Variants in EPHB2 observed in about 807,000 individuals in gnomAD.
EPHB2 encodes ephrin type-B receptor 2.
In EPHB2, 18 loss-of-function variants were observed where a neutral mutation model predicts 96.4. The ratio of observed to expected loss-of-function variants is 0.19; its 90% CI spans 0.13 to 0.28. The LOEUF is 0.28. Ranked by LOEUF, EPHB2 falls within the 10% of genes least tolerant of loss-of-function variation. EPHB2 has a pLI of 1.00. For synonymous variants in EPHB2, 506 were observed against 534.1 expected (o/e 0.95, Z 0.72); for missense variants, 989 against 1,355.4 (o/e 0.73, Z 4.25).
intron 9 of EPHB2, among the ~76,000 whole-genome samples, chr1:22,898,139 A>C (rs960764075): frequency 6.6e-6 from 1 of 151,844 alleles, no homozygotes; most frequent in Non-Finnish European, 1.5e-5. Context: ...AAAAAACAAA[A>C]GAAAAAAGAA....
At chr1:22,829,012 T>C (rs536668289) in intron 3 of EPHB2, among the ~76,000 whole-genome samples, 1 of 152,352 alleles carries the variant, frequency 6.6e-6, no homozygotes, top group South Asian at 2.1e-4. Context: ...AGTAATAGAA[T>C]GTCATAGTCA....
intron 5 of EPHB2, among the ~76,000 whole-genome samples, chr1:22,874,037 C>CA (rs1389860913): frequency 2.0e-5 from 3 of 152,198 alleles, no homozygotes; most frequent in Non-Finnish European, 2.9e-5. Flanking sequence ...TGCCTGCAGT[C>CA]ACACATTGGC....
chr1:22,721,780 AT>A (rs555671339), intron 1 of EPHB2, among the ~76,000 whole-genome samples: 1,954 of 140,880 alleles, frequency 0.014, 34 homozygotes, highest in African/African-American at 0.038. Flanking sequence ...CGCATCCAGC[AT>A]TTTTTTTTTT....
At chr1:22,896,198 G>C (rs1326771801) in intron 8 of EPHB2, among the ~76,000 whole-genome samples, 2 of 152,164 alleles carry the variant, frequency 1.3e-5, no homozygotes, top group Non-Finnish European at 2.9e-5. Context: ...TTTGAAGGGG[G>C]CTTGGCTGGA....
At chr1:22,835,394 A>G (rs1645365846) in intron 3 of EPHB2, among the ~76,000 whole-genome samples, 1 of 152,184 alleles carries the variant, frequency 6.6e-6, no homozygotes. Flanking sequence ...AAAAAAGAGT[A>G]CCCATTTTGA....
chr1:22,781,416 C>A lies in EPHB2; in HGVS notation c.62-5C>A. 1.2e-6 allele frequency: 2 copies of A among 1,613,938 alleles called. No homozygotes were observed. Among genetic ancestry groups the A allele is most frequent in the Middle Eastern group, 1.6e-4 (1 of 6,062 alleles). On this transcript the variant is annotated splice_region_variant and splice_polypyrimidine_tract_variant and intron_variant, in intron 1 of 15. Transcript: ENST00000374630. ...CGGGGTGGTGACTCTTTGCTCTCCC[C>A]ACAGAAACGCTAATGGACTCCACTA...
intron 3 of EPHB2, among the ~76,000 whole-genome samples, chr1:22,805,996 T>C (rs1295138051): frequency 6.6e-6 from 1 of 152,182 alleles, no homozygotes. Context: ...CACTCCATCC[T>C]GTCCAGCCCT....
At chr1:22,777,232 C>T (rs1224399373) in intron 1 of EPHB2, among the ~76,000 whole-genome samples, 1 of 152,166 alleles carries the variant, frequency 6.6e-6, no homozygotes, top group Non-Finnish European at 1.5e-5. Context: ...CCAGTCTCTC[C>T]ACCTACTCAT....
Position 22,882,478 on chromosome 1 carries a change from G to A in EPHB2, c.1423G>A (p.Glu475Lys). ...VILDYELQYY[E>K]KELSEYNATA... is the part of the protein sequence containing the mutation. ...CCTGGACTATGAGCTGCAGTACTAT[G>A]AGAAGGTACCTATTGGCTGGGTGCT... Residue 475 changes from glutamate to lysine, a missense_variant, in exon 6 of 16, where the codon GAG becomes AAG. Glu to Lys is a moderately conservative substitution (Grantham distance 56). Transcript: ENST00000374630. 6.2e-7 allele frequency: 1 copy of A among 1,614,012 alleles called. No homozygotes were observed.
intron 3 of EPHB2, among the ~76,000 whole-genome samples, chr1:22,857,899 C>T (rs1373985818): frequency 6.6e-6 from 1 of 152,162 alleles, no homozygotes; most frequent in African/African-American, 2.4e-5. Flanking sequence ...AGACCCGGCT[C>T]CTCCTCCCCT....
intron 1 of EPHB2, among the ~76,000 whole-genome samples, chr1:22,725,841 A>T (rs772727762): frequency 1.3e-5 from 2 of 152,216 alleles, no homozygotes; most frequent in African/African-American, 2.4e-5. Flanking sequence ...GAGCAGACTG[A>T]TGCTGGCCAG....
At chr1:22,827,305 A>G (rs1180668624) in intron 3 of EPHB2, among the ~76,000 whole-genome samples, 1 of 152,142 alleles carries the variant, frequency 6.6e-6, no homozygotes, top group African/African-American at 2.4e-5. Context: ...TGCATTGAAT[A>G]TATTCATGGC....
chr1:22,904,642 T>C (rs1639851725), intron 9 of EPHB2, among the ~76,000 whole-genome samples: 1 of 152,212 alleles, frequency 6.6e-6, no homozygotes, highest in Admixed American at 6.5e-5. Context: ...ATAGTAAATA[T>C]TTTAGGCCTT....
intron 1 of EPHB2, among the ~76,000 whole-genome samples, chr1:22,732,230 C>G (rs575241057): frequency 6.6e-6 from 1 of 152,190 alleles, no homozygotes; most frequent in African/African-American, 2.4e-5. Flanking sequence ...GGGTGGGGCT[C>G]TATGAATTCT....
At chr1:22,904,685 G>T (rs552630082) in intron 9 of EPHB2, among the ~76,000 whole-genome samples, 1 of 152,238 alleles carries the variant, frequency 6.6e-6, no homozygotes, top group Non-Finnish European at 1.5e-5. Context: ...CAACTCTGCT[G>T]TCATAGCTTA....
intron 1 of EPHB2, among the ~76,000 whole-genome samples, chr1:22,772,448 T>C (rs16827504): frequency 0.17 from 25,557 of 152,220 alleles, 2,350 homozygotes; most frequent in African/African-American, 0.24. Context: ...TTACATTAGC[T>C]GGGTTCTCTT....
In EPHB2 at chr1:22,913,968, A is replaced by T; in HGVS notation, c.*398A>T. 7.0e-7 allele frequency: 1 copy of T among 1,428,530 alleles called. No homozygotes were observed. Among genetic ancestry groups the T allele is most frequent in the Non-Finnish European group, 9.3e-7 (1 of 1,078,374 alleles). The allele number at this position is 1,428,530 out of a possible 1,614,324, so 88.5% of individuals were successfully genotyped here. ...AAGGTGACCTGGCCAGAGCCAAGAAACACTTTCAGAAAAACAAATGTGAAG... is the reference window on the plus strand; with the variant it reads ...AAGGTGACCTGGCCAGAGCCAAGAATCACTTTCAGAAAAACAAATGTGAAG... On this transcript the variant is annotated 3_prime_UTR_variant, in exon 16 of 16. Coordinates refer to ENST00000374630, the MANE Select transcript of EPHB2 (RefSeq NM_017449.5). The surrounding 1 kb of genome is among the most constrained non-coding windows in gnomAD (Gnocchi z 4.1).
intron 1 of EPHB2, chr1:22,774,641 T>A: frequency 5.1e-6 from 5 of 984,858 alleles, no homozygotes; most frequent in Non-Finnish European, 6.0e-6. Flanking sequence ...GGCTGGAAGG[T>A]AATTAGCTGG....
chr1:22,723,249 A>C (rs983505626), intron 1 of EPHB2, among the ~76,000 whole-genome samples: 5 of 152,238 alleles, frequency 3.3e-5, no homozygotes, highest in African/African-American at 4.8e-5. Flanking sequence ...TCCGCCTCTC[A>C]CGGGGAGGCA....
Sources: allele counts gnomAD v4.1 joint callset (sites outside exome capture counted in the v4.1 genomes callset), GRCh38; gene constraint gnomAD v4.1.1; non-coding constraint Gnocchi (gnomAD v3.1); transcripts MANE v1.5; gene names NCBI Gene and HGNC (gene_info 2026-07-23, HGNC 2026-07-21).